FARP1: variants seen among roughly 807,000 people sequenced by gnomAD.
FARP1 encodes FERM, ARHGEF and pleckstrin domain-containing protein 1.
In FARP1, 52 loss-of-function variants were observed where a neutral mutation model predicts 128.8. The observed-to-expected ratio is 0.40, with a 90% CI of 0.32 to 0.51. The LOEUF is 0.51. Ranked by LOEUF, FARP1 falls within the 20% of genes least tolerant of loss-of-function variation. FARP1 has a pLI of 0.45. For missense variants in FARP1, 1,333 were observed against 1,367.9 expected (o/e 0.97, Z 0.40); for synonymous variants, 580 against 551.8 (o/e 1.05, Z -0.72).
At chr13:98,326,938 T>C (rs1411506009) in intron 2 of FARP1, among the ~76,000 whole-genome samples, 1 of 152,238 alleles carries the variant, frequency 6.6e-6, no homozygotes, top group Non-Finnish European at 1.5e-5. Context: ...GGTATTTTAA[T>C]TTGATTTGTT....
intron 13 of FARP1, chr13:98,402,951 C>T (rs1297954935): frequency 3.3e-5 from 5 of 152,148 alleles, no homozygotes; most frequent in African/African-American, 4.8e-5. Flanking sequence ...AAACATTTTC[C>T]GTTGTTCCAT....
At chr13:98,327,977 C>T (rs1887307754) in intron 2 of FARP1, among the ~76,000 whole-genome samples, 1 of 152,104 alleles carries the variant, frequency 6.6e-6, no homozygotes, top group Admixed American at 6.5e-5. Flanking sequence ...GAACCATGCG[C>T]ACGCGATTGA....
At position 98,440,218 on chromosome 13, in the gene FARP1, G is replaced by C; in HGVS notation, c.2612G>C (p.Ser871Thr). ...AGCCCCGCCCCTGAGTTCCTGGCCA[G>C]CAGCCCCCCTGACAACAGTGAGTGT... ...SSSPAPEFLASSPPDNKSPDE... is the reference protein window; with the variant it reads ...SSSPAPEFLATSPPDNKSPDE... The change falls in exon 23 of 27, where the codon AGC becomes ACC. Residue 871 changes from serine (S) to threonine (T), a missense_variant. By Grantham distance (58) the Ser-to-Thr change is moderately conservative. This residue lies in a region of FARP1 where 1,009 missense variants were observed against 969.8 expected (regional missense o/e 1.04). Transcript: ENST00000319562. 6.2e-7 allele frequency: 1 copy of C among 1,613,538 alleles called. No homozygotes were observed. Among genetic ancestry groups the C allele is most frequent in the Non-Finnish European group, 8.5e-7 (1 of 1,179,520 alleles).
intron 1 of FARP1, chr13:98,177,006 G>A (rs751467561): frequency 2.5e-6 from 4 of 1,597,352 alleles, no homozygotes; most frequent in Middle Eastern, 1.7e-4. Context: ...TCCTGTCGCC[G>A]TGAGCCGCCT....
Position 98,247,134 on chromosome 13 carries a change from C to G in FARP1, c.171+33721C>G, listed in dbSNP as rs144079027. ...CCGCATGCCTGTAATCCCAGCTATT[C>G]GGGAGGCTGAGGCAGAAGAATCACT... On this transcript the variant is annotated intron_variant, in intron 2 of 26. Transcript: ENST00000319562. Among the ~76,000 whole-genome samples, 799 of 152,256 alleles carry G rather than the reference C, an allele frequency of 5.2e-3. 5 individuals carry two copies. The highest frequency in any genetic ancestry group is 7.4e-3 in the Non-Finnish European group (505 of 68,018).
intron 26 of FARP1, 100 bp from the exon 27 acceptor site, chr13:98,448,136 G>T: frequency 1.0e-6 from 1 of 973,058 alleles, no homozygotes; most frequent in Non-Finnish European, 1.7e-6. Context: ...TACCAACCAG[G>T]CGGCCTGACT....
chr13:98,248,328 A>G (rs181485070), intron 2 of FARP1, among the ~76,000 whole-genome samples: 511 of 152,252 alleles, frequency 3.4e-3, no homozygotes, highest in African/African-American at 0.012. Flanking sequence ...CTGAGGGTAG[A>G]GGGAGGGGTA....
intron 1 of FARP1, among the ~76,000 whole-genome samples, chr13:98,187,157 A>G (rs910711025): frequency 1.3e-5 from 2 of 152,094 alleles, no homozygotes; most frequent in African/African-American, 4.8e-5. Flanking sequence ...TCCATTTTCT[A>G]CAGCTCATTC....
At chr13:98,332,864 T>C (rs1229673773) in intron 2 of FARP1, 4 of 152,230 alleles carry the variant, frequency 2.6e-5, no homozygotes, top group African/African-American at 9.6e-5. Context: ...ACAGGTGTCA[T>C]TGGTGGCTTT....
intron 2 of FARP1, among the ~76,000 whole-genome samples, chr13:98,294,906 A>G (rs1298778429): frequency 6.6e-6 from 1 of 151,870 alleles, no homozygotes; most frequent in Non-Finnish European, 1.5e-5. Flanking sequence ...AATTCCAGCT[A>G]CTGGGGAAGC....
intron 1 of FARP1, among the ~76,000 whole-genome samples, chr13:98,207,982 G>A (rs9517213): frequency 0.77 from 110,796 of 143,148 alleles, 42,860 homozygotes; most frequent in East Asian, 1. Flanking sequence ...TGATTCATTG[G>A]CCCAGTATTG....
At chr13:98,298,738 T>C (rs1885803403) in intron 2 of FARP1, among the ~76,000 whole-genome samples, 1 of 152,198 alleles carries the variant, frequency 6.6e-6, no homozygotes, top group South Asian at 2.1e-4. Flanking sequence ...TTCTAGGAGC[T>C]TAGAGCATTA....
At chr13:98,410,206 G>A (rs1357931004) in intron 14 of FARP1, among the ~76,000 whole-genome samples, 1 of 152,182 alleles carries the variant, frequency 6.6e-6, no homozygotes, top group Admixed American at 6.5e-5. Flanking sequence ...TTGAATGGCC[G>A]GCCTCCTCCA....
At chr13:98,269,758 G>T (rs1437177258) in intron 2 of FARP1, among the ~76,000 whole-genome samples, 1 of 152,214 alleles carries the variant, frequency 6.6e-6, no homozygotes. Flanking sequence ...CTGAGTGAGT[G>T]GTCGGGGGGT....
chr13:98,426,366 T>A (rs1450033735), intron 17 of FARP1, among the ~76,000 whole-genome samples: 1 of 152,176 alleles, frequency 6.6e-6, no homozygotes, highest in East Asian at 1.9e-4. Flanking sequence ...GGTAAGTGCC[T>A]GTAGTTCCAG....
chr13:98,420,451 C>G (rs762035363), intron 16 of FARP1, among the ~76,000 whole-genome samples: 2 of 152,190 alleles, frequency 1.3e-5, no homozygotes, highest in East Asian at 3.9e-4. Context: ...TGCTGAATGA[C>G]TGACCAGCTC....
chr13:98,321,925 C>T (rs1385591917), intron 2 of FARP1, among the ~76,000 whole-genome samples: 2 of 152,254 alleles, frequency 1.3e-5, no homozygotes, highest in South Asian at 2.1e-4. Flanking sequence ...TCAACCTTCC[C>T]TGCTCTTCAG....
intron 2 of FARP1, among the ~76,000 whole-genome samples, chr13:98,286,480 G>T (rs1246470474): frequency 1.3e-5 from 2 of 152,128 alleles, no homozygotes; most frequent in East Asian, 3.9e-4. Context: ...AGTCTCACAC[G>T]TTCTGATGGT....
intron 1 of FARP1, among the ~76,000 whole-genome samples, chr13:98,167,998 C>T (rs920961206): frequency 6.6e-6 from 1 of 151,692 alleles, no homozygotes; most frequent in Non-Finnish European, 1.5e-5. Context: ...CGGTGAAACC[C>T]CGTCTCTACT....
Sources: allele counts gnomAD v4.1 joint callset (sites outside exome capture counted in the v4.1 genomes callset), GRCh38; gene constraint gnomAD v4.1.1; regional missense constraint gnomAD v4.1.1; transcripts MANE v1.5; gene names NCBI Gene and HGNC (gene_info 2026-07-23, HGNC 2026-07-21).